NRG1: variants seen among roughly 807,000 people sequenced by gnomAD.
The protein encoded by NRG1 is pro-neuregulin-1, membrane-bound isoform.
NRG1 carries 18 observed loss-of-function variants against 63.8 expected under a neutral mutation model. The observed-to-expected ratio is 0.28, with a 90% CI of 0.19 to 0.42. The LOEUF (loss-of-function observed/expected upper bound fraction) is 0.42. NRG1 is among the 10% of genes least tolerant of loss of function. The probability of loss-of-function intolerance (pLI) is 1.00; values close to 1 mark genes in which losing one functional copy is unlikely to be tolerated. For missense variants in NRG1, 762 were observed against 814.7 expected (o/e 0.94, Z 0.79); for synonymous variants, 302 against 301.3 (o/e 1.00, Z -0.02).
chr8:32,078,096 A>G (rs1471387), intron 1 of NRG1, among the ~76,000 whole-genome samples: 93,555 of 152,076 alleles, frequency 0.62, 30,166 homozygotes, highest in Non-Finnish European at 0.71. Flanking sequence ...CCTCCTAAGC[A>G]AGTGATCGAG....
intron 1 of NRG1, among the ~76,000 whole-genome samples, chr8:32,387,183 G>A (rs540344663): frequency 6.6e-6 from 1 of 152,162 alleles, no homozygotes; most frequent in Non-Finnish European, 1.5e-5. Context: ...TGCAAAATAA[G>A]AGTAGGATAT....
rs554833125 is a variant in NRG1 at position 32,278,557 on chromosome 8, T to C, written c.38-317271T>C. ...AATTCTTGGGTTTCTAACCCAAATC[T>C]CGCTATCCTCAGAAAGCTTGACAGT... On this transcript the variant is annotated intron_variant, in intron 1 of 10. Coordinates refer to the NRG1 transcript ENST00000519301. Among the ~76,000 whole-genome samples, 5 of 152,314 alleles carry C rather than the reference T, an allele frequency of 3.3e-5. No individual in the cohort carries two copies. The South Asian group carries it at 1.0e-3, about 32-fold the overall frequency.
chr8:32,031,449 C>T (rs537379787), intron 1 of NRG1, among the ~76,000 whole-genome samples: 10 of 152,298 alleles, frequency 6.6e-5, no homozygotes, highest in South Asian at 2.1e-4. Context: ...CTGCCCTCCC[C>T]GCACGGGCAG....
chr8:31,932,652 G>A (rs1834960999), intron 1 of NRG1, among the ~76,000 whole-genome samples: 2 of 152,118 alleles, frequency 1.3e-5, no homozygotes, highest in Non-Finnish European at 2.9e-5. Context: ...TAGAAATTTT[G>A]TATTTTACCC....
intron 1 of NRG1, among the ~76,000 whole-genome samples, chr8:32,049,752 T>C (rs1821672288): frequency 6.6e-6 from 1 of 152,112 alleles, no homozygotes. Context: ...CCTTTGCTAA[T>C]GAAAGGGAAG....
intron 1 of NRG1, among the ~76,000 whole-genome samples, chr8:32,459,649 C>G (rs1822073142): frequency 6.6e-6 from 1 of 151,310 alleles, no homozygotes; most frequent in African/African-American, 2.4e-5. Context: ...GATTTTGTTG[C>G]TCCCTTGTTT....
chr8:31,848,373 T>G (rs1826885922), intron 1 of NRG1, among the ~76,000 whole-genome samples: 1 of 152,212 alleles, frequency 6.6e-6, no homozygotes, highest in Non-Finnish European at 1.5e-5. Context: ...GCCAATATTT[T>G]CATTCCCTAA....
At chr8:32,150,850 C>T (rs1336444617) in intron 1 of NRG1, among the ~76,000 whole-genome samples, 3 of 152,154 alleles carry the variant, frequency 2.0e-5, no homozygotes, top group Admixed American at 2.0e-4. Flanking sequence ...GCAAATTATC[C>T]TCTAAACTGT....
chr8:32,204,849 G>A (rs1314589898), intron 1 of NRG1, among the ~76,000 whole-genome samples: 1 of 152,120 alleles, frequency 6.6e-6, no homozygotes, highest in African/African-American at 2.4e-5. Context: ...AATATTTTAT[G>A]TCAGCAAGCA....
chr8:31,848,492 T>C (rs996541824), intron 1 of NRG1, among the ~76,000 whole-genome samples: 4 of 151,478 alleles, frequency 2.6e-5, no homozygotes, highest in African/African-American at 9.7e-5. Context: ...TATACAAGGG[T>C]CCACAACCCC....
At chr8:32,423,088 G>C (rs553827521) in intron 1 of NRG1, among the ~76,000 whole-genome samples, 56 of 152,288 alleles carry the variant, frequency 3.7e-4, no homozygotes, top group African/African-American at 1.3e-3. Flanking sequence ...CTCTAGAGGA[G>C]CATCTTGGAA....
chr8:32,255,246 G>T (rs986621694), intron 1 of NRG1, among the ~76,000 whole-genome samples: 2 of 152,144 alleles, frequency 1.3e-5, no homozygotes, highest in Admixed American at 6.5e-5. Context: ...GATGCTAGCT[G>T]GTTATTTTGC....
intron 1 of NRG1, among the ~76,000 whole-genome samples, chr8:32,540,331 T>A (rs1009404038): frequency 6.6e-6 from 1 of 152,222 alleles, no homozygotes; most frequent in African/African-American, 2.4e-5. Context: ...CCATAATAAA[T>A]ATATCTGATA....
At chr8:31,947,870 C>T (rs2129622258) in intron 1 of NRG1, among the ~76,000 whole-genome samples, 1 of 134,868 alleles carries the variant, frequency 7.4e-6, no homozygotes, top group South Asian at 2.4e-4. Context: ...CACTTGAGCC[C>T]AAGAGGCAAA....
chr8:31,859,622 C>G (rs1828281138), intron 1 of NRG1, among the ~76,000 whole-genome samples: 1 of 152,206 alleles, frequency 6.6e-6, no homozygotes, highest in Non-Finnish European at 1.5e-5. Context: ...AAAACAGCCA[C>G]TTATGCACAA....
At chr8:31,656,690 G>A (rs1223359057) in intron 1 of NRG1, among the ~76,000 whole-genome samples, 2 of 152,122 alleles carry the variant, frequency 1.3e-5, no homozygotes, top group Non-Finnish European at 2.9e-5. Flanking sequence ...GTTGCTGAAG[G>A]TCACTCGTTT....
At chr8:31,698,657 C>A (rs1436209831) in intron 1 of NRG1, among the ~76,000 whole-genome samples, 2 of 152,148 alleles carry the variant, frequency 1.3e-5, no homozygotes, top group African/African-American at 4.8e-5. Context: ...GGGTTATTAG[C>A]ATGGGTCTTT....
intron 1 of NRG1, among the ~76,000 whole-genome samples, chr8:31,815,099 T>C (rs1823307726): frequency 6.6e-6 from 1 of 152,174 alleles, no homozygotes; most frequent in Admixed American, 6.5e-5. Flanking sequence ...ATAAATAATA[T>C]AAAATGTACT....
chr8:31,861,478 G>C lies in NRG1; in HGVS notation c.37+222047G>C, dbSNP rs1156514763. 1.1e-4 allele frequency among the ~76,000 whole-genome samples: 17 copies of C among 152,224 alleles called. No individual in the cohort carries two copies. In the South Asian group the frequency reaches 3.3e-3, roughly 30 times the overall value. ...CTTAAACTCATTGTATATGATTGAA[G>C]AGGAACAAGGAGAAGGAGAAGGAGA... On this transcript the variant is annotated intron_variant, in intron 1 of 10. Transcript: ENST00000519301.
Sources: allele counts gnomAD v4.1 joint callset (sites outside exome capture counted in the v4.1 genomes callset), GRCh38; gene constraint gnomAD v4.1.1; transcripts MANE v1.5; gene names NCBI Gene and HGNC (gene_info 2026-07-23, HGNC 2026-07-21).